Variants in HERC6 observed in about 807,000 individuals in gnomAD.
HERC6 encodes the protein HECT and RLD domain containing E3 ubiquitin protein ligase family member 6.
A neutral mutation model predicts 114.5 loss-of-function variants in HERC6; 101 were observed. The ratio of observed to expected loss-of-function variants is 0.88; its 90% CI spans 0.75 to 1.04. HERC6 has a LOEUF of 1.04. Among genes scored for constraint, HERC6 ranks in the 50% least tolerant of loss-of-function variants. The pLI, the probability that HERC6 is intolerant of heterozygous loss-of-function variation, is 0.00. For synonymous variants in HERC6, 408 were observed against 436.2 expected, an observed-to-expected ratio of 0.94 and a Z score of 0.81; for missense variants, 1,133 against 1,230.9, an observed-to-expected ratio of 0.92 and a Z score of 1.19.
At chr4:88,395,866 A>G (rs1048162157) in intron 5 of HERC6, 149 bp from the exon 6 acceptor site, 2 of 573,884 alleles carry the variant, frequency 3.5e-6, no homozygotes, top group African/African-American at 1.9e-5. Context: ...AACATACACT[A>G]TTAGAAAAAA....
chr4:88,413,320 T>G, intron 12 of HERC6, 54 bp downstream of exon 12: 1 of 1,308,014 alleles, frequency 7.6e-7, no homozygotes, highest in Non-Finnish European at 1.1e-6. Context: ...CTCTCTGAAG[T>G]AGACGTTGTA....
chr4:88,403,814 GTAT>G (rs1044534714), intron 8 of HERC6, among the ~76,000 whole-genome samples: 105 of 151,880 alleles, frequency 6.9e-4, no homozygotes, highest in African/African-American at 2.3e-3. Context: ...AGAGAGGTAG[GTAT>G]TATTATCTTT....
At chr4:88,418,990 T>C (rs1029956405) in intron 13 of HERC6, among the ~76,000 whole-genome samples, 9 of 152,184 alleles carry the variant, frequency 5.9e-5, no homozygotes, top group African/African-American at 2.2e-4. Flanking sequence ...CCTCCCAAAA[T>C]GCTGGGATTA....
chr4:88,431,413 CTACTCATATTTTGAGTAG>C, intron 17 of HERC6, 108 bp downstream of exon 17: 4 of 1,265,340 alleles, frequency 3.2e-6, no homozygotes, highest in Non-Finnish European at 4.4e-6. Context: ...TAGAGCTTTG[CTACTCATATTTTGAGTAG>C]TACTCGTATG....
chr4:88,379,168 G>C, intron 1 of HERC6, 48 bp downstream of exon 1: 1 of 1,414,810 alleles, frequency 7.1e-7, no homozygotes. Flanking sequence ...CAGTACATGG[G>C]CGCGGGGGCT....
intron 11 of HERC6, among the ~76,000 whole-genome samples, chr4:88,410,620 A>G (rs747266181): frequency 2.0e-5 from 3 of 152,074 alleles, no homozygotes; most frequent in Non-Finnish European, 4.4e-5. Flanking sequence ...ATACTATCAT[A>G]TTGGGGGTTA....
intron 11 of HERC6, among the ~76,000 whole-genome samples, chr4:88,410,557 C>T (rs1736043084): frequency 6.6e-6 from 1 of 152,120 alleles, no homozygotes; most frequent in Admixed American, 6.6e-5. Flanking sequence ...CTAATCCATT[C>T]ATGAGAGCTC....
At chr4:88,394,202 T>A (rs1426630452) in intron 5 of HERC6, among the ~76,000 whole-genome samples, 1 of 152,080 alleles carries the variant, frequency 6.6e-6, no homozygotes, top group Non-Finnish European at 1.5e-5. Flanking sequence ...TAGCTGGGTG[T>A]GGTGGCTCAT....
chr4:88,408,075 G>A, intron 10 of HERC6, among the ~76,000 whole-genome samples: 1 of 152,228 alleles, frequency 6.6e-6, no homozygotes, highest in Non-Finnish European at 1.5e-5. Flanking sequence ...CTTTCAAGAA[G>A]TTCCCATGAT....
chr4:88,407,668 C>T (rs766542859), intron 10 of HERC6, among the ~76,000 whole-genome samples: 4 of 152,032 alleles, frequency 2.6e-5, no homozygotes, highest in Admixed American at 6.5e-5. Flanking sequence ...ACTTTGGTCT[C>T]CCAAAGTGTT....
At chr4:88,420,389 G>A (rs757039847) in intron 13 of HERC6, among the ~76,000 whole-genome samples, 4 of 151,912 alleles carry the variant, frequency 2.6e-5, no homozygotes, top group Non-Finnish European at 5.9e-5. Flanking sequence ...TCCATTTGTC[G>A]GGCTTTTGAT....
chr4:88,442,479 G>C lies in HERC6; in HGVS notation c.*19G>C. 1 of 1,570,120 alleles carries C rather than the reference G, an allele frequency of 6.4e-7. No individual in the cohort carries two copies. On this transcript the variant is annotated 3_prime_UTR_variant, in exon 23 of 23. Coordinates refer to ENST00000264346, the MANE Select transcript of HERC6 (RefSeq NM_017912.4). The stretch of plus-strand genomic sequence containing the variant: ...GTCATAATCACCTCTGAGAGACTCA[G>C]GGTGGGCTTTCTCACACTTGGATCC...
At chr4:88,425,619 A>G (rs1220167454) in intron 15 of HERC6, among the ~76,000 whole-genome samples, 15 of 152,190 alleles carry the variant, frequency 9.9e-5, no homozygotes, top group Admixed American at 9.8e-4. Flanking sequence ...TGAGTCAATC[A>G]ATGAGTTTAT....
At chr4:88,436,246 T>TA (rs1738721570) in intron 18 of HERC6, among the ~76,000 whole-genome samples, 2 of 152,190 alleles carry the variant, frequency 1.3e-5, no homozygotes, top group East Asian at 3.9e-4. Flanking sequence ...GTAAGTCTAA[T>TA]AAAAAAACTG....
intron 8 of HERC6, among the ~76,000 whole-genome samples, chr4:88,402,994 T>C (rs1735622710): frequency 6.6e-6 from 1 of 152,228 alleles, no homozygotes; most frequent in African/African-American, 2.4e-5. Flanking sequence ...TAAACCAAAA[T>C]GATGCAGGAT....
In HERC6 at chr4:88,404,882, A is replaced by T; in HGVS notation, c.1099A>T (p.Ser367Cys). Residue 367 changes from serine (S) to cysteine (C), a missense_variant, in exon 9 of 23, where the codon AGT becomes TGT. Coordinates refer to ENST00000264346, the MANE Select transcript of HERC6 (RefSeq NM_017912.4). Reference protein sequence around the residue: ...ANFVTTHQDTSSTRAPGKTLP... With the variant: ...ANFVTTHQDTCSTRAPGKTLP... ...GTTTCTTCCTTCCCTGAAGGATACT[A>T]GTTCCACACGTGCTCCCGGGAAAAC... The T allele has an allele frequency of 1.9e-6, 3 of 1,613,520 alleles. No homozygotes were observed. The highest frequency in any genetic ancestry group is 2.5e-6 in the Non-Finnish European group (3 of 1,179,596).
At chr4:88,380,295 ATAAATATATATATAAT>A (rs1286600724) in intron 1 of HERC6, among the ~76,000 whole-genome samples, 1 of 58,434 alleles carries the variant, frequency 1.7e-5, no homozygotes, top group Non-Finnish European at 2.8e-5. Context: ...TATATAATAT[ATAAATATATATATAAT>A]ATATAAATAT....
At chr4:88,434,245 G>C (rs1738521509) in intron 17 of HERC6, among the ~76,000 whole-genome samples, 1 of 152,224 alleles carries the variant, frequency 6.6e-6, no homozygotes, top group African/African-American at 2.4e-5. Flanking sequence ...GATGGTGAGT[G>C]TGTCATTTAG....
In HERC6 at chr4:88,381,231, C is replaced by T. The variant is rs116762586; in HGVS notation, c.200-1990C>T. On this transcript the variant is annotated intron_variant, in intron 1 of 22. Coordinates refer to ENST00000264346, the MANE Select transcript of HERC6 (RefSeq NM_017912.4). ...TTTTCCTCTACCCTCTTAGGTTCAG[C>T]GGCTGGGTCCTGCAAACTTAACTGA... 8.2e-3 allele frequency among the ~76,000 whole-genome samples: 1,241 copies of T among 152,158 alleles called. 11 individuals are homozygous for T. The highest frequency in any genetic ancestry group is 0.028 in the African/African-American group (1,178 of 41,510).
Sources: allele counts gnomAD v4.1 joint callset (sites outside exome capture counted in the v4.1 genomes callset), GRCh38; gene constraint gnomAD v4.1.1; transcripts MANE v1.5; gene names NCBI Gene and HGNC (gene_info 2026-07-23, HGNC 2026-07-21).